The following C12orf54 variants were observed in gnomAD, a reference collection of about 807,000 sequenced individuals.
C12orf54 encodes the protein uncharacterized protein C12orf54.
C12orf54 carries 24 observed loss-of-function variants against 26.4 expected under a neutral mutation model. The observed-to-expected ratio is 0.91, with a 90% CI of 0.66 to 1.28. C12orf54 has a LOEUF of 1.28. Among genes scored for constraint, C12orf54 ranks in the 50% most tolerant of loss-of-function variants. The probability of loss-of-function intolerance (pLI) is 0.00; values close to 1 mark genes in which losing one functional copy is unlikely to be tolerated. For synonymous variants in C12orf54, 54 were observed against 47.0 expected (o/e 1.15, Z -0.61); for missense variants, 154 against 150.9 (o/e 1.02, Z -0.11).
rs1301746780 is a variant in C12orf54 at position 48,483,304 on chromosome 12, A to G, written c.8A>G (p.Gln3Arg). ...GTTTCTGTCTGAGAACAAATGGCAC[A>G]GCATCCCTGCCAGGATCAGGAACAA... MA[Q>R]HPCQDQEQKV... The change falls in exon 2 of 9, where the codon CAG becomes CGG. Residue 3 changes from glutamine to arginine, a missense_variant. Gln to Arg is a conservative substitution (Grantham distance 43). Coordinates refer to ENST00000548364, the MANE Select transcript of C12orf54 (RefSeq NM_152319.4). 2.5e-6 allele frequency: 4 copies of G among 1,613,900 alleles called. No homozygotes were observed. In the Admixed American group the frequency reaches 6.7e-5, roughly 27 times the overall value.
chr12:48,482,844 C>T (rs1954212663), intron 1 of C12orf54, among the ~76,000 whole-genome samples: 1 of 152,088 alleles, frequency 6.6e-6, no homozygotes, highest in Admixed American at 6.6e-5. Context: ...ATTCACTCTA[C>T]ACTATTTCCT....
the C12orf54 span, among the ~76,000 whole-genome samples, chr12:48,424,422 C>A: frequency 6.6e-6 from 1 of 152,032 alleles, no homozygotes; most frequent in Non-Finnish European, 1.5e-5. Flanking sequence ...TTATTTCTTT[C>A]TATAAATGTT....
chr12:48,478,218 C>T (rs1233233855), upstream of C12orf54, among the ~76,000 whole-genome samples: 2 of 152,174 alleles, frequency 1.3e-5, no homozygotes, highest in Non-Finnish European at 1.5e-5. Context: ...TAAAAACTCT[C>T]AATAAATTAG....
the C12orf54 span, among the ~76,000 whole-genome samples, chr12:48,457,734 G>T: frequency 6.6e-6 from 1 of 152,164 alleles, no homozygotes; most frequent in Non-Finnish European, 1.5e-5. Context: ...TCTCCAGTCT[G>T]CTGCCTCCTT....
chr12:48,450,710 T>A, the C12orf54 span, among the ~76,000 whole-genome samples: 2 of 152,102 alleles, frequency 1.3e-5, no homozygotes, highest in Non-Finnish European at 2.9e-5. Context: ...TCTATGCACA[T>A]AAACTAGAAC....
the C12orf54 span, among the ~76,000 whole-genome samples, chr12:48,475,970 G>A: frequency 5.9e-4 from 89 of 151,734 alleles, 1 homozygote; most frequent in East Asian, 0.015. Flanking sequence ...TGAAATGAAG[G>A]AAAAAATGTT....
chr12:48,469,189 G>T, the C12orf54 span, among the ~76,000 whole-genome samples: 1 of 152,114 alleles, frequency 6.6e-6, no homozygotes, highest in Non-Finnish European at 1.5e-5. Flanking sequence ...ACTAGAATTC[G>T]CCAGGCTGGA....
chr12:48,432,058 G>A, the C12orf54 span, among the ~76,000 whole-genome samples: 2 of 152,072 alleles, frequency 1.3e-5, no homozygotes, highest in East Asian at 3.8e-4. Context: ...ATACAAATAG[G>A]AAATTCCTAA....
the C12orf54 span, among the ~76,000 whole-genome samples, chr12:48,452,335 CAA>C: frequency 6.6e-6 from 1 of 152,126 alleles, no homozygotes; most frequent in African/African-American, 2.4e-5. Context: ...AAAATCAACT[CAA>C]GATAGATTAC....
At chr12:48,454,146 G>A in the C12orf54 span, among the ~76,000 whole-genome samples, 2 of 144,920 alleles carry the variant, frequency 1.4e-5, no homozygotes, top group African/African-American at 5.1e-5. Flanking sequence ...TTGCCAGGCT[G>A]GCGAGAAGTC....
chr12:48,421,502 A>G, the C12orf54 span, among the ~76,000 whole-genome samples: 1 of 139,120 alleles, frequency 7.2e-6, no homozygotes, highest in Non-Finnish European at 1.5e-5. Flanking sequence ...CAAACCATCC[A>G]TATCATGTGC....
At chr12:48,474,993 C>T in the C12orf54 span, among the ~76,000 whole-genome samples, 2 of 152,196 alleles carry the variant, frequency 1.3e-5, no homozygotes, top group Non-Finnish European at 2.9e-5. Flanking sequence ...TGGGAGGCAC[C>T]CCCCAGTAGG....
At chr12:48,443,176 GTTCT>G in the C12orf54 span, among the ~76,000 whole-genome samples, 2 of 152,100 alleles carry the variant, frequency 1.3e-5, no homozygotes, top group Admixed American at 6.5e-5. Context: ...CTACTTTTAT[GTTCT>G]TTCTTTAATG....
chr12:48,432,900 A>T, the C12orf54 span, among the ~76,000 whole-genome samples: 1 of 151,580 alleles, frequency 6.6e-6, no homozygotes, highest in Non-Finnish European at 1.5e-5. Flanking sequence ...AAAAAATCTT[A>T]CCCTAATTTA....
chr12:48,487,652 C>T (rs1937680252), intron 4 of C12orf54, among the ~76,000 whole-genome samples: 1 of 152,146 alleles, frequency 6.6e-6, no homozygotes, highest in Non-Finnish European at 1.5e-5. Flanking sequence ...AAACAAAGGG[C>T]AATGAATTGA....
intron 5 of C12orf54, among the ~76,000 whole-genome samples, chr12:48,490,058 A>G (rs1020231821): frequency 3.3e-5 from 5 of 152,174 alleles, no homozygotes; most frequent in Non-Finnish European, 7.3e-5. Flanking sequence ...ACACGTACTT[A>G]AAGCTTCTCT....
intron 7 of C12orf54, among the ~76,000 whole-genome samples, chr12:48,493,550 G>T (rs1003594103): frequency 3.3e-5 from 5 of 150,900 alleles, no homozygotes; most frequent in Admixed American, 2.0e-4. Context: ...AGCCTGGGGA[G>T]GTGGAGACTG....
the C12orf54 span, among the ~76,000 whole-genome samples, chr12:48,458,095 C>T: frequency 2.6e-5 from 4 of 152,282 alleles, no homozygotes; most frequent in Non-Finnish European, 4.4e-5. Flanking sequence ...GGCCAGAGGC[C>T]CACCTTGTTT....
At chr12:48,471,773 G>A in the C12orf54 span, among the ~76,000 whole-genome samples, 1 of 152,150 alleles carries the variant, frequency 6.6e-6, no homozygotes, top group Non-Finnish European at 1.5e-5. Context: ...AAGTCAGGTA[G>A]TGTGATGTCT....
Sources: gnomAD v4.1 joint callset for allele counts (sites outside exome capture counted in the v4.1 genomes callset) on GRCh38, gnomAD v4.1.1 for gene constraint, MANE v1.5 for transcripts, NCBI Gene and HGNC (gene_info 2026-07-23, HGNC 2026-07-21) for gene names.